The following SHLD1 variants were observed in gnomAD, a reference collection of about 807,000 sequenced individuals.
The protein encoded by SHLD1 is RINN1-REV7-interacting novel NHEJ regulator 3.
Under a neutral mutation model 5.5 loss-of-function variants are expected in SHLD1, and 3 were observed. The ratio of observed to expected loss-of-function variants is 0.54; its 90% CI spans 0.25 to 1.40. The LOEUF is 1.40. Ranked by LOEUF, SHLD1 falls within the 40% of genes most tolerant of loss-of-function variation. SHLD1 has a pLI of 0.15. For synonymous variants in SHLD1, 92 were observed against 94.3 expected (o/e 0.98, Z 0.14); for missense variants, 210 against 244.4 (o/e 0.86, Z 0.94).
chr20:5,849,697 C>T (rs903792855), intron 2 of SHLD1, among the ~76,000 whole-genome samples: 3 of 152,192 alleles, frequency 2.0e-5, no homozygotes, highest in African/African-American at 4.8e-5. Context: ...CGGTGGCTCA[C>T]GCCTGTAATC....
At chr20:5,847,753 G>A (rs953411492) in intron 2 of SHLD1, among the ~76,000 whole-genome samples, 7 of 152,232 alleles carry the variant, frequency 4.6e-5, no homozygotes, top group Non-Finnish European at 8.8e-5. Flanking sequence ...CAAAGATGTG[G>A]AGAAACAGGA....
At chr20:5,798,892 A>T (rs1377359883) in intron 2 of SHLD1, among the ~76,000 whole-genome samples, 1 of 152,110 alleles carries the variant, frequency 6.6e-6, no homozygotes, top group African/African-American at 2.4e-5. Flanking sequence ...TTCTCTTAAA[A>T]ACTAGCCTCA....
chr20:5,851,532 G>T (rs115118052), intron 2 of SHLD1, among the ~76,000 whole-genome samples: 4 of 149,832 alleles, frequency 2.7e-5, no homozygotes, highest in African/African-American at 9.8e-5. Context: ...TACACCAGCC[G>T]TTGTCCAATA....
intron 2 of SHLD1, among the ~76,000 whole-genome samples, chr20:5,825,826 A>T (rs1390932223): frequency 6.6e-6 from 1 of 152,230 alleles, no homozygotes; most frequent in East Asian, 1.9e-4. Flanking sequence ...TGTTTTTATG[A>T]TCTTATCTGC....
At chr20:5,859,246 C>T (rs2088128937) in intron 2 of SHLD1, among the ~76,000 whole-genome samples, 1 of 152,184 alleles carries the variant, frequency 6.6e-6, no homozygotes. Context: ...TGAGTTCCCA[C>T]TCCTTTCAAG....
chr20:5,761,118 A>C (rs1275741019), intron 1 of SHLD1, among the ~76,000 whole-genome samples: 9 of 152,108 alleles, frequency 5.9e-5, no homozygotes, highest in Non-Finnish European at 1.3e-4. Context: ...GACATGGATG[A>C]AGCTGGAAGC....
At chr20:5,854,998 C>G (rs761175812) in intron 2 of SHLD1, among the ~76,000 whole-genome samples, 3 of 151,898 alleles carry the variant, frequency 2.0e-5, no homozygotes, top group Non-Finnish European at 4.4e-5. Flanking sequence ...CTCAGCCTCC[C>G]AAGTAGCCGG....
intron 2 of SHLD1, among the ~76,000 whole-genome samples, chr20:5,856,739 TA>T (rs1008384786): frequency 6.6e-6 from 1 of 152,104 alleles, no homozygotes; most frequent in African/African-American, 2.4e-5. Flanking sequence ...CCTGTGACTT[TA>T]AAAAAAATTT....
intron 2 of SHLD1, among the ~76,000 whole-genome samples, chr20:5,861,812 T>C (rs2088166264): frequency 6.6e-6 from 1 of 152,166 alleles, no homozygotes. Flanking sequence ...CAAGTACAGA[T>C]ATGTTTATTG....
chr20:5,834,652 C>G (rs961775037), intron 2 of SHLD1, among the ~76,000 whole-genome samples: 5 of 152,142 alleles, frequency 3.3e-5, no homozygotes, highest in Admixed American at 3.3e-4. Flanking sequence ...TACTGTTGTG[C>G]AAAGGTCTTT....
intron 2 of SHLD1, among the ~76,000 whole-genome samples, chr20:5,823,097 T>C (rs1165473259): frequency 6.6e-6 from 1 of 151,192 alleles, no homozygotes; most frequent in Non-Finnish European, 1.5e-5. Context: ...CAGTCCTTTG[T>C]ATTTGACCAA....
At chr20:5,817,674 AGTT>A (rs1303144046) in intron 2 of SHLD1, among the ~76,000 whole-genome samples, 1 of 151,194 alleles carries the variant, frequency 6.6e-6, no homozygotes, top group Non-Finnish European at 1.5e-5. Context: ...GAGTTCTGGA[AGTT>A]GTTCAGCTCA....
chr20:5,759,462 T>C (rs1317589396), intron 1 of SHLD1, among the ~76,000 whole-genome samples: 8 of 152,076 alleles, frequency 5.3e-5, no homozygotes, highest in Admixed American at 4.6e-4. Flanking sequence ...GATTTCACCA[T>C]GTTGGCAAGG....
intron 2 of SHLD1, among the ~76,000 whole-genome samples, chr20:5,837,066 G>T (rs1325655365): frequency 6.6e-6 from 1 of 152,176 alleles, no homozygotes; most frequent in Non-Finnish European, 1.5e-5. Context: ...TATGGAGCAA[G>T]CCTGGAGGGC....
chr20:5,800,372 TACA>T (rs2087274962), intron 2 of SHLD1, among the ~76,000 whole-genome samples: 1 of 152,266 alleles, frequency 6.6e-6, no homozygotes, highest in Non-Finnish European at 1.5e-5. Context: ...AAAGGCTCTT[TACA>T]ACTTCTATTT....
rs1374831062 is a variant in SHLD1, at chr20:5,764,133, A to ATATAT, written c.-4-8729_-4-8728insTATAT. On this transcript the variant is annotated intron_variant, in intron 1 of 2. Transcript: ENST00000303142. ...CAGAGCAAGGCTCTGTCTCAAAAAA[A>ATATAT]AAAAAAATATATATATATTTATATT... Among the ~76,000 whole-genome samples the ATATAT allele has an allele frequency of 1.1e-4, 10 of 87,328 alleles. No individual in the cohort carries two copies. The East Asian group carries it at 2.3e-3, about 20-fold the overall frequency. The allele number at this position is 87,328 out of a possible 152,430, so 57.3% of individuals were successfully genotyped here. A position where few individuals can be genotyped will look rare whatever the true frequency, so the allele number is the denominator to read the frequency against.
intron 1 of SHLD1, among the ~76,000 whole-genome samples, chr20:5,769,260 A>G (rs1364113725): frequency 6.6e-6 from 1 of 152,180 alleles, no homozygotes; most frequent in East Asian, 1.9e-4. Context: ...TATTTCATTG[A>G]GAGAGTGCTC....
intron 2 of SHLD1, among the ~76,000 whole-genome samples, chr20:5,792,678 T>TAA (rs1568504915): frequency 0.011 from 1,347 of 119,110 alleles, 33 homozygotes; most frequent in African/African-American, 0.04. Flanking sequence ...TTTCTTTTTT[T>TAA]TAAAAAAAAA....
intron 2 of SHLD1, among the ~76,000 whole-genome samples, chr20:5,774,280 AC>A (rs1336849232): frequency 6.6e-6 from 1 of 152,208 alleles, no homozygotes; most frequent in Non-Finnish European, 1.5e-5. Context: ...CATTGTGGGT[AC>A]TAAGCAAATG....
Sources: allele counts gnomAD v4.1 joint callset (sites outside exome capture counted in the v4.1 genomes callset), GRCh38; gene constraint gnomAD v4.1.1; transcripts MANE v1.5; gene names NCBI Gene and HGNC (gene_info 2026-07-23, HGNC 2026-07-21).